Variants in H6PD observed in about 807,000 individuals in gnomAD.
H6PD encodes hexose-6-phosphate dehydrogenase/glucose 1-dehydrogenase.
A neutral mutation model predicts 61.2 loss-of-function variants in H6PD; 48 were observed. The observed-to-expected ratio is 0.78, with a 90% CI of 0.62 to 1.00. The LOEUF (loss-of-function observed/expected upper bound fraction) is 1.00, where lower values mean the gene tolerates loss of function less well. Ranked by LOEUF, H6PD falls within the 50% of genes least tolerant of loss-of-function variation. The probability of loss-of-function intolerance (pLI) is 0.00; values close to 1 mark genes in which losing one functional copy is unlikely to be tolerated. For missense variants in H6PD, 1,093 were observed against 1,065.0 expected (o/e 1.03, Z -0.37); for synonymous variants, 480 against 457.9 (o/e 1.05, Z -0.62).
Position 9,268,029 on chromosome 1 carries a change from G to T in H6PD, c.*3160G>T, listed in dbSNP as rs1206132149. ...AGGCTGAGGTGAGAGGATCACTTGA[G>T]CCCAGAAGGTTGAAACCAGCCTGGG... is the stretch of plus-strand genomic sequence containing the variant. On this transcript the variant is annotated 3_prime_UTR_variant, in exon 5 of 5. Coordinates refer to ENST00000377403, the MANE Select transcript of H6PD (RefSeq NM_004285.4). 1 of 152,078 alleles carries T rather than the reference G, an allele frequency of 6.6e-6. No homozygotes were observed. Among genetic ancestry groups the T allele is most frequent in the African/African-American group, 2.4e-5 (1 of 41,386 alleles). 9.4% of individuals were successfully genotyped at this position (152,078 alleles called of 1,614,324 possible). A position where few individuals can be genotyped will look rare whatever the true frequency, so the allele number is the denominator to read the frequency against.
At chr1:9,247,143 G>C in intron 3 of H6PD, 60 bp downstream of exon 3, 1 of 1,126,360 alleles carries the variant, frequency 8.9e-7, no homozygotes, top group Non-Finnish European at 1.4e-6. Context: ...TGTCTGCGGT[G>C]AGGCATGGGG....
intron 3 of H6PD, among the ~76,000 whole-genome samples, chr1:9,252,087 G>A (rs1570102743): frequency 6.6e-6 from 1 of 152,094 alleles, no homozygotes; most frequent in Non-Finnish European, 1.5e-5. Flanking sequence ...ACAAATGGAA[G>A]TGTTGTTGTT....
At chr1:9,249,511 A>G (rs1050592360) in intron 3 of H6PD, among the ~76,000 whole-genome samples, 1 of 152,118 alleles carries the variant, frequency 6.6e-6, no homozygotes, top group Non-Finnish European at 1.5e-5. Flanking sequence ...AGCTGCAGGG[A>G]CTAAAGGAGG....
Position 9,268,620 on chromosome 1 carries a change from A to G in H6PD, c.*3751A>G, listed in dbSNP as rs1638646353. The G allele has an allele frequency of 6.6e-6, 1 of 152,244 alleles. No homozygotes were observed. The highest frequency in any genetic ancestry group is 6.5e-5 in the Admixed American group (1 of 15,280). 9.4% of individuals were successfully genotyped at this position (152,244 alleles called of 1,614,324 possible). A position where few individuals can be genotyped will look rare whatever the true frequency, so the allele number is the denominator to read the frequency against. The stretch of plus-strand genomic sequence containing the variant: ...ATTCTCCTGCTAACTGCAAGTTAAA[A>G]TAGGCCCTTCTTACTGAATTTCCCT... On this transcript the variant is annotated 3_prime_UTR_variant, in exon 5 of 5. Transcript: ENST00000377403.
chr1:9,239,517 G>A (rs531910925), intron 1 of H6PD, among the ~76,000 whole-genome samples: 1 of 152,118 alleles, frequency 6.6e-6, no homozygotes, highest in Non-Finnish European at 1.5e-5. Context: ...CAGGAAGATT[G>A]CAAAAAACAG....
intron 3 of H6PD, among the ~76,000 whole-genome samples, chr1:9,248,213 C>T (rs540337086): frequency 1.3e-5 from 2 of 152,384 alleles, no homozygotes; most frequent in East Asian, 3.9e-4. Flanking sequence ...CGCCACAGGG[C>T]AGGGCCCAGA....
chr1:9,264,110 G>A lies in H6PD; in HGVS notation c.1617G>A (p.Met539Ile), dbSNP rs779842575. 2.5e-6 allele frequency: 4 copies of A among 1,613,920 alleles called. No individual in the cohort carries two copies. In the Admixed American group the frequency reaches 6.7e-5, roughly 27 times the overall value. Reference sequence around the variant, plus strand: ...TGCCAGGGCCAGGGCCGGCCCCAATGCCCAGTGACTTCCAGGTCCTCAGGG... The same window carrying A: ...TGCCAGGGCCAGGGCCGGCCCCAATACCCAGTGACTTCCAGGTCCTCAGGG... ...QLVPGPGPAP[M>I]PSDFQVLRAK... Residue 539 changes from methionine to isoleucine, a missense_variant, in exon 5 of 5, where the codon ATG becomes ATA. Coordinates refer to ENST00000377403, the MANE Select transcript of H6PD (RefSeq NM_004285.4).
Position 9,263,704 on chromosome 1 carries a change from A to G in H6PD, c.1211A>G (p.His404Arg). The stretch of plus-strand genomic sequence containing the variant: ...CGGCAGCTCGTCTTCCACATCGGCC[A>G]TGGCGACCTGGGCAGCCCTGCCGTG... ...LPRQLVFHIGHGDLGSPAVLV... is the reference protein window; with the variant it reads ...LPRQLVFHIGRGDLGSPAVLV... Residue 404 changes from histidine (H) to arginine (R), a missense_variant, in exon 5 of 5, where the codon CAT (histidine) becomes CGT (arginine). Coordinates refer to ENST00000377403, the MANE Select transcript of H6PD (RefSeq NM_004285.4). 1 of 1,614,000 alleles carries G rather than the reference A, an allele frequency of 6.2e-7. No homozygotes were observed. The highest frequency in any genetic ancestry group is 2.2e-5 in the East Asian group (1 of 44,878).
At chr1:9,248,915 G>T (rs2100342287) in intron 3 of H6PD, among the ~76,000 whole-genome samples, 1 of 152,310 alleles carries the variant, frequency 6.6e-6, no homozygotes, top group East Asian at 1.9e-4. Context: ...TGCCCCCCGT[G>T]CCTGTCTGTG....
At chr1:9,241,751 G>A (rs953648871) in intron 1 of H6PD, among the ~76,000 whole-genome samples, 9 of 152,114 alleles carry the variant, frequency 5.9e-5, no homozygotes, top group African/African-American at 2.2e-4. Context: ...CTTGAGCCCA[G>A]GTCCTTGGAC....
chr1:9,246,246 A>G (rs1198073811), intron 2 of H6PD, among the ~76,000 whole-genome samples: 1 of 152,132 alleles, frequency 6.6e-6, no homozygotes, highest in African/African-American at 2.4e-5. Context: ...ACCCTGCCCC[A>G]TCTACCTTTT....
chr1:9,240,987 G>C (rs978923920), intron 1 of H6PD, among the ~76,000 whole-genome samples: 1 of 152,080 alleles, frequency 6.6e-6, no homozygotes, highest in Non-Finnish European at 1.5e-5. Context: ...TTCTTTCCCT[G>C]TCAGGGCAGC....
chr1:9,240,984 C>A (rs887839008), intron 1 of H6PD, among the ~76,000 whole-genome samples: 9 of 152,246 alleles, frequency 5.9e-5, no homozygotes, highest in African/African-American at 2.2e-4. Flanking sequence ...TGCTTCTTTC[C>A]CTGTCAGGGC....
chr1:9,251,380 C>T (rs1228370197), intron 3 of H6PD, among the ~76,000 whole-genome samples: 2 of 152,356 alleles, frequency 1.3e-5, no homozygotes, highest in African/African-American at 4.8e-5. Flanking sequence ...CCTGCTGGAA[C>T]GCACTCAGGG....
intron 3 of H6PD, among the ~76,000 whole-genome samples, chr1:9,258,453 G>C (rs1641595731): frequency 6.6e-6 from 1 of 152,140 alleles, no homozygotes; most frequent in South Asian, 2.1e-4. Context: ...TGTTACACCA[G>C]TGTTATGTTG....
chr1:9,241,813 T>C (rs746795110), intron 1 of H6PD, among the ~76,000 whole-genome samples: 7 of 152,176 alleles, frequency 4.6e-5, no homozygotes, highest in Non-Finnish European at 1.0e-4. Flanking sequence ...GCATCGTGAC[T>C]GAGGGTCCAG....
In H6PD at chr1:9,263,673, C is replaced by T. The variant is rs1638420436; in HGVS notation, c.1180C>T (p.Leu394=). Residue 394 remains leucine, a synonymous_variant, in exon 5 of 5, where the codon CTG becomes TTG. Coordinates refer to ENST00000377403, the MANE Select transcript of H6PD (RefSeq NM_004285.4). ...KHWAAAQSQC[L]PRQLVFHIGH... is the part of the protein sequence containing the mutation. ...CTGGGCCGCGGCGCAGAGCCAGTGC[C>T]TGCCCCGGCAGCTCGTCTTCCACAT... 6.2e-7 allele frequency: 1 copy of T among 1,614,094 alleles called. No homozygotes were observed. The highest frequency in any genetic ancestry group is 8.5e-7 in the Non-Finnish European group (1 of 1,180,022).
intron 3 of H6PD, among the ~76,000 whole-genome samples, chr1:9,251,856 T>G (rs1452221971): frequency 6.6e-6 from 1 of 151,474 alleles, no homozygotes; most frequent in Non-Finnish European, 1.5e-5. Flanking sequence ...TGATGGGGAT[T>G]GCAGCTGGCT....
Position 9,264,857 on chromosome 1 carries a change from C to T in H6PD, c.2364C>T (p.Ala788=), listed in dbSNP as rs754801418. ...TGGTGTGGTACATGGACTACGACGCCTTCCTGGGATGAGGGCGCCTGTGCC... is the reference window on the plus strand; with the variant it reads ...TGGTGTGGTACATGGACTACGACGCTTTCCTGGGATGAGGGCGCCTGTGCC... The part of the protein sequence containing the change: ...GQLVWYMDYD[A]FLG Residue 788 remains alanine (A), a synonymous_variant, in exon 5 of 5, where the codon GCC becomes GCT. Transcript: ENST00000377403. 2.5e-6 allele frequency: 4 copies of T among 1,611,876 alleles called. No individual in the cohort carries two copies. In the Admixed American group the frequency reaches 6.7e-5, roughly 27 times the overall value.
Sources: allele counts gnomAD v4.1 joint callset (sites outside exome capture counted in the v4.1 genomes callset), GRCh38; gene constraint gnomAD v4.1.1; transcripts MANE v1.5; gene names NCBI Gene and HGNC (gene_info 2026-07-23, HGNC 2026-07-21).